The following TPH2 variants were observed in gnomAD, a reference collection of about 807,000 sequenced individuals.
TPH2 encodes tryptophan 5-hydroxylase 2.
In TPH2, 27 loss-of-function variants were observed where a neutral mutation model predicts 59.1. That is an observed-to-expected ratio of 0.46 (90% CI 0.34 to 0.63). TPH2 has a LOEUF of 0.63. Ranked by LOEUF, TPH2 falls within the 30% of genes least tolerant of loss-of-function variation. The probability of loss-of-function intolerance (pLI) is 0.01; values close to 1 mark genes in which losing one functional copy is unlikely to be tolerated. For synonymous variants in TPH2, 220 were observed against 210.5 expected (o/e 1.05, Z -0.39); for missense variants, 523 against 588.3 (o/e 0.89, Z 1.15).
chr12:72,018,998 A>G (rs61924276), intron 8 of TPH2, among the ~76,000 whole-genome samples: 88,427 of 151,710 alleles, frequency 0.58, 26,015 homozygotes, highest in Non-Finnish European at 0.64. Flanking sequence ...AGAGCTGAAC[A>G]TCCCAGATAC....
intron 8 of TPH2, among the ~76,000 whole-genome samples, chr12:72,008,018 G>T (rs527500101): frequency 1.3e-5 from 2 of 152,244 alleles, no homozygotes; most frequent in African/African-American, 4.8e-5. Flanking sequence ...TAATTCAATT[G>T]TTAAACACTA....
At chr12:72,014,404 T>TC (rs1873183777) in intron 8 of TPH2, among the ~76,000 whole-genome samples, 1 of 150,920 alleles carries the variant, frequency 6.6e-6, no homozygotes, top group Non-Finnish European at 1.5e-5. Context: ...TCTTTTTTTT[T>TC]TTTTGAGAAG....
chr12:71,944,423 CA>C lies in TPH2; in HGVS notation c.388del (p.Thr130ProfsTer4). The C allele has an allele frequency of 6.2e-7, 1 of 1,613,980 alleles. No homozygotes were observed. The highest frequency in any genetic ancestry group is 1.1e-5 in the South Asian group (1 of 91,078). The part of the protein sequence containing the change: ...FNELIQLLKF[Q>X]TTIVTLNPPE... ...TGAGCTCATTCAGTTGCTGAAATTT[CA>C]AACCACTATTGTGACGCTGAATCCT... On this transcript the variant is annotated frameshift_variant, in exon 3 of 11. Coordinates refer to ENST00000333850, the MANE Select transcript of TPH2 (RefSeq NM_173353.4). LOFTEE classifies it high-confidence loss of function.
chr12:71,948,084 G>A (rs1012429544), intron 4 of TPH2, among the ~76,000 whole-genome samples: 1 of 152,112 alleles, frequency 6.6e-6, no homozygotes, highest in Admixed American at 6.5e-5. Flanking sequence ...TTTCTAGCAT[G>A]ACTGCATCTA....
At chr12:71,980,008 T>C (rs1872230761) in intron 7 of TPH2, among the ~76,000 whole-genome samples, 1 of 152,158 alleles carries the variant, frequency 6.6e-6, no homozygotes, top group South Asian at 2.1e-4. Flanking sequence ...AGTGCTTCCA[T>C]GAAGTGCTAA....
chr12:71,945,590 G>A (rs1198748461), intron 4 of TPH2, among the ~76,000 whole-genome samples: 3 of 152,196 alleles, frequency 2.0e-5, no homozygotes, highest in East Asian at 3.9e-4. Flanking sequence ...TGGCAGTGTG[G>A]CTATACTCTG....
At chr12:72,022,984 A>G (rs2139245751) in intron 9 of TPH2, among the ~76,000 whole-genome samples, 1 of 152,354 alleles carries the variant, frequency 6.6e-6, no homozygotes, top group East Asian at 1.9e-4. Flanking sequence ...GACATAAACA[A>G]TTTGGAAAAA....
At chr12:72,026,984 G>C (rs930996637) in intron 9 of TPH2, among the ~76,000 whole-genome samples, 3 of 151,612 alleles carry the variant, frequency 2.0e-5, no homozygotes, top group Middle Eastern at 3.2e-3. Flanking sequence ...TGTGATGTGA[G>C]TGTAAAGTGT....
At chr12:72,029,007 T>A (rs1210458059) in intron 9 of TPH2, among the ~76,000 whole-genome samples, 1 of 152,222 alleles carries the variant, frequency 6.6e-6, no homozygotes, top group African/African-American at 2.4e-5. Flanking sequence ...TAAATACGTA[T>A]CTGGCTATCC....
intron 2 of TPH2, 131 bp from the exon 3 acceptor site, chr12:71,944,163 A>G: frequency 1.1e-6 from 1 of 894,476 alleles, no homozygotes; most frequent in South Asian, 1.5e-5. Context: ...AGTTTTATTC[A>G]AAGAACAAAG....
chr12:71,958,150 A>G (rs961956159), intron 5 of TPH2, among the ~76,000 whole-genome samples: 1 of 152,232 alleles, frequency 6.6e-6, no homozygotes, highest in Non-Finnish European at 1.5e-5. Flanking sequence ...AACACCAGGT[A>G]TAGATGCTTA....
At position 72,031,274 on chromosome 12, in the gene TPH2, A is replaced by C; in HGVS notation, c.1181A>C (p.Lys394Thr). The change falls in exon 10 of 11, where the codon AAG becomes ACG. Residue 394 changes from lysine (K) to threonine (T), a missense_variant. Transcript: ENST00000333850. ...ATTTTGCAGCACGCCCTTTCTGACAAGGCATGTGTGAAAGCCTTTGACCCA... is the reference window on the plus strand; with the variant it reads ...ATTTTGCAGCACGCCCTTTCTGACACGGCATGTGTGAAAGCCTTTGACCCA... ...IGELKHALSD[K>T]ACVKAFDPKT... 1 of 1,613,560 alleles carries C rather than the reference A, an allele frequency of 6.2e-7. No individual in the cohort carries two copies. Among genetic ancestry groups the C allele is most frequent in the Non-Finnish European group, 8.5e-7 (1 of 1,179,548 alleles).
At chr12:72,008,073 A>C (rs890717468) in intron 8 of TPH2, among the ~76,000 whole-genome samples, 1 of 152,194 alleles carries the variant, frequency 6.6e-6, no homozygotes, top group African/African-American at 2.4e-5. Context: ...GATATAGATA[A>C]GTGAACAGGG....
intron 9 of TPH2, among the ~76,000 whole-genome samples, chr12:72,029,104 C>T (rs1178181390): frequency 6.6e-6 from 1 of 152,224 alleles, no homozygotes; most frequent in Non-Finnish European, 1.5e-5. Context: ...GAGGCATCCT[C>T]TATACATAGT....
intron 9 of TPH2, among the ~76,000 whole-genome samples, chr12:72,024,354 T>G (rs1377338985): frequency 1.3e-5 from 2 of 152,216 alleles, no homozygotes; most frequent in Admixed American, 6.5e-5. Flanking sequence ...CCTGGTCCAT[T>G]GAAAGAACTG....
At chr12:72,014,280 C>T (rs1467073698) in intron 8 of TPH2, among the ~76,000 whole-genome samples, 2 of 152,088 alleles carry the variant, frequency 1.3e-5, no homozygotes, top group African/African-American at 4.8e-5. Flanking sequence ...GCATTTTTAC[C>T]CTCTTAATTT....
intron 6 of TPH2, among the ~76,000 whole-genome samples, chr12:71,978,182 G>T (rs1198384993): frequency 6.6e-6 from 1 of 150,962 alleles, no homozygotes; most frequent in Admixed American, 6.6e-5. Flanking sequence ...AGCAATGCAC[G>T]ACTCTATACA....
chr12:71,942,518 G>C (rs1252868232), intron 2 of TPH2, among the ~76,000 whole-genome samples: 1 of 152,212 alleles, frequency 6.6e-6, no homozygotes, highest in African/African-American at 2.4e-5. Flanking sequence ...TGCTAGTGCA[G>C]TGGAAAGATA....
At chr12:72,025,827 C>T (rs1023662274) in intron 9 of TPH2, among the ~76,000 whole-genome samples, 3 of 152,182 alleles carry the variant, frequency 2.0e-5, no homozygotes, top group Admixed American at 1.3e-4. Context: ...TGTGTCTTTC[C>T]TTTCACACTT....
Sources: allele counts gnomAD v4.1 joint callset (sites outside exome capture counted in the v4.1 genomes callset), GRCh38; gene constraint gnomAD v4.1.1; transcripts MANE v1.5; gene names NCBI Gene and HGNC (gene_info 2026-07-23, HGNC 2026-07-21).